Variants in KCNAB1 observed in about 807,000 individuals in gnomAD.
KCNAB1 encodes the protein potassium voltage-gated channel subfamily A regulatory beta subunit 1, also known as voltage-gated potassium channel subunit beta-1.
Under a neutral mutation model 64.6 loss-of-function variants are expected in KCNAB1, and 35 were observed. That is an observed-to-expected ratio of 0.54 (90% CI 0.41 to 0.72). The LOEUF is 0.72. Ranked by LOEUF, KCNAB1 falls within the 30% of genes least tolerant of loss-of-function variation. The probability of loss-of-function intolerance (pLI) is 0.00; values close to 1 mark genes in which losing one functional copy is unlikely to be tolerated. For synonymous variants in KCNAB1, 177 were observed against 183.8 expected, an observed-to-expected ratio of 0.96 and a Z score of 0.30; for missense variants, 401 against 512.9, an observed-to-expected ratio of 0.78 and a Z score of 2.11.
At chr3:156,409,788 C>T (rs1466388312) in intron 1 of KCNAB1, among the ~76,000 whole-genome samples, 1 of 152,104 alleles carries the variant, frequency 6.6e-6, no homozygotes, top group African/African-American at 2.4e-5. Flanking sequence ...TTCTGAGACA[C>T]AACAAACTAA....
At chr3:156,233,598 T>A (rs886070248) in intron 1 of KCNAB1, among the ~76,000 whole-genome samples, 2 of 152,118 alleles carry the variant, frequency 1.3e-5, no homozygotes, top group African/African-American at 2.4e-5. Flanking sequence ...TGTTTTAGCA[T>A]ACAGGGCTAA....
chr3:156,222,340 A>G (rs1715831082), intron 1 of KCNAB1, among the ~76,000 whole-genome samples: 1 of 152,208 alleles, frequency 6.6e-6, no homozygotes. Flanking sequence ...AAAGAACACT[A>G]TATAATGATA....
intron 1 of KCNAB1, among the ~76,000 whole-genome samples, chr3:156,313,913 A>G (rs1479650227): frequency 2.0e-5 from 3 of 152,224 alleles, no homozygotes; most frequent in Non-Finnish European, 4.4e-5. Context: ...TTTGAGCACT[A>G]GCTCATTTTC....
At chr3:156,367,860 TACAC>T (rs1399791809) in intron 1 of KCNAB1, among the ~76,000 whole-genome samples, 6 of 152,156 alleles carry the variant, frequency 3.9e-5, no homozygotes, top group Non-Finnish European at 8.8e-5. Context: ...TTTTAAAAAA[TACAC>T]AAGACAAAAA....
chr3:156,120,653 A>C lies in KCNAB1; in HGVS notation c.42A>C (p.Ser14=), dbSNP rs200924814. The C allele has an allele frequency of 1.8e-4, 284 of 1,614,238 alleles. 2 individuals carry two copies. In the South Asian group the frequency reaches 2.9e-3, roughly 17 times the overall value. ...CAGGGGCAGCGGGGAGTCAGATCTCAGAGGAGAACACCAAGTTAAGGAGAC... is the reference window on the plus strand; with the variant it reads ...CAGGGGCAGCGGGGAGTCAGATCTCCGAGGAGAACACCAAGTTAAGGAGAC... The part of the protein sequence containing the change: ...ARTGAAGSQI[S]EENTKLRRQS... Residue 14 remains serine (S), a synonymous_variant, in exon 1 of 14, where the codon TCA becomes TCC. Coordinates refer to ENST00000490337, the MANE Select transcript of KCNAB1 (RefSeq NM_172160.3).
intron 3 of KCNAB1, 87 bp downstream of exon 3, chr3:156,453,023 ACT>A (rs1712120581): frequency 1.2e-6 from 1 of 802,856 alleles, no homozygotes; most frequent in African/African-American, 1.7e-5. Flanking sequence ...GGACCCTGAC[ACT>A]CTACAGGGAT....
In KCNAB1 at chr3:156,342,844, G is replaced by A. The variant is rs577194557; in HGVS notation, c.276-78772G>A. 2.6e-5 allele frequency among the ~76,000 whole-genome samples: 4 copies of A among 151,892 alleles called. No homozygotes were observed. In the South Asian group the frequency reaches 6.3e-4, roughly 24 times the overall value. ...TCTTCAAGAGGGAAGTCCAATGGGG[G>A]GCTTTTCAAGATGTTCTCACCCCGC... On this transcript the variant is annotated intron_variant, in intron 1 of 13. Coordinates refer to ENST00000490337, the MANE Select transcript of KCNAB1 (RefSeq NM_172160.3).
At chr3:156,196,500 A>G (rs1713958572) in intron 1 of KCNAB1, among the ~76,000 whole-genome samples, 1 of 152,132 alleles carries the variant, frequency 6.6e-6, no homozygotes, top group Admixed American at 6.5e-5. Flanking sequence ...AGTGGTTTAT[A>G]GTTCTCCTTG....
At chr3:156,430,850 T>C (rs1422593119) in intron 2 of KCNAB1, among the ~76,000 whole-genome samples, 2 of 152,150 alleles carry the variant, frequency 1.3e-5, no homozygotes, top group African/African-American at 4.8e-5. Context: ...CAGGCAGTAG[T>C]CAGGTGATGT....
intron 1 of KCNAB1, among the ~76,000 whole-genome samples, chr3:156,390,474 G>C (rs556881339): frequency 1.2e-4 from 19 of 152,160 alleles, no homozygotes; most frequent in Non-Finnish European, 2.6e-4. Context: ...AAAAAGGAGG[G>C]AAAGTGTTTG....
In KCNAB1 at chr3:156,412,539, G is replaced by T. The variant is rs139895573; in HGVS notation, c.276-9077G>T. Among the ~76,000 whole-genome samples, 152 of 152,290 alleles carry T rather than the reference G, an allele frequency of 1.0e-3. 4 individuals are homozygous for T. The South Asian group carries it at 0.03, about 30-fold the overall frequency. On this transcript the variant is annotated intron_variant, in intron 1 of 13. Transcript: ENST00000490337. ...CATTTAGTCACTGAAGTATTGAGTC[G>T]CACTTCCATGGTGCTAAGTATTACG...
In KCNAB1 at chr3:156,452,339, G is replaced by A. The variant is rs546277432; in HGVS notation, c.320-560G>A. 9.9e-5 allele frequency among the ~76,000 whole-genome samples: 15 copies of A among 152,284 alleles called. No homozygotes were observed. Among genetic ancestry groups the A allele is most frequent in the Admixed American group, 9.8e-4 (15 of 15,300 alleles). On this transcript the variant is annotated intron_variant, in intron 2 of 13. Coordinates refer to ENST00000490337, the MANE Select transcript of KCNAB1 (RefSeq NM_172160.3). The surrounding 1 kb of genome is among the most constrained non-coding windows in gnomAD (Gnocchi z 4.6). ...TGTCTCCACTCTCACCCAAACCAGT[G>A]GAGATTTCCATTCTGGAATGGCAGG...
chr3:156,421,705 A>C, intron 2 of KCNAB1, 46 bp downstream of exon 2: 2 of 1,564,522 alleles, frequency 1.3e-6, no homozygotes, highest in Non-Finnish European at 1.8e-6. Flanking sequence ...AAGGTGGGAG[A>C]CTGGGGAGGG....
chr3:156,262,621 A>T (rs755326147), intron 1 of KCNAB1, among the ~76,000 whole-genome samples: 4 of 151,904 alleles, frequency 2.6e-5, no homozygotes, highest in African/African-American at 7.2e-5. Flanking sequence ...CATGAGTGAT[A>T]TCAATCTGTA....
chr3:156,293,880 T>C (rs559667926), intron 1 of KCNAB1, among the ~76,000 whole-genome samples: 3 of 152,250 alleles, frequency 2.0e-5, no homozygotes, highest in Non-Finnish European at 4.4e-5. Context: ...GAGATGGAGA[T>C]GAGCAGCTGC....
At chr3:156,265,120 C>G (rs900930042) in intron 1 of KCNAB1, among the ~76,000 whole-genome samples, 8 of 152,276 alleles carry the variant, frequency 5.3e-5, no homozygotes, top group African/African-American at 1.4e-4. Context: ...CCTGGACCAC[C>G]TAATACTATG....
intron 1 of KCNAB1, among the ~76,000 whole-genome samples, chr3:156,244,906 A>T (rs1204136847): frequency 6.6e-6 from 1 of 152,234 alleles, no homozygotes; most frequent in Non-Finnish European, 1.5e-5. Context: ...AGGAGTCCCC[A>T]GGACAGATAT....
chr3:156,395,283 C>T (rs1426115801), intron 1 of KCNAB1, among the ~76,000 whole-genome samples: 1 of 151,932 alleles, frequency 6.6e-6, no homozygotes, highest in Non-Finnish European at 1.5e-5. Context: ...CGGTGGCTCA[C>T]GCCTGTAATC....
chr3:156,360,671 T>C (rs1397005455), intron 1 of KCNAB1, among the ~76,000 whole-genome samples: 2 of 151,942 alleles, frequency 1.3e-5, no homozygotes, highest in Non-Finnish European at 2.9e-5. Context: ...GCTACAGTTG[T>C]TCCATTGCAC....
Sources: gnomAD v4.1 joint callset for allele counts (sites outside exome capture counted in the v4.1 genomes callset) on GRCh38, gnomAD v4.1.1 for gene constraint, Gnocchi (gnomAD v3.1) non-coding constraint, MANE v1.5 for transcripts, NCBI Gene and HGNC (gene_info 2026-07-23, HGNC 2026-07-21) for gene names.